TRAF2: variants seen among roughly 807,000 people sequenced by gnomAD.
TRAF2 encodes TNF receptor-associated factor 2.
A neutral mutation model predicts 55.6 loss-of-function variants in TRAF2; 6 were observed. The observed-to-expected ratio is 0.11, with a 90% CI of 0.06 to 0.21. The LOEUF (loss-of-function observed/expected upper bound fraction) is 0.21, where lower values mean the gene tolerates loss of function less well. Ranked by LOEUF, TRAF2 falls within the 10% of genes least tolerant of loss-of-function variation. TRAF2 has a pLI of 1.00. For synonymous variants in TRAF2, 329 were observed against 276.3 expected (o/e 1.19, Z -1.89); for missense variants, 561 against 684.5 (o/e 0.82, Z 2.01).
At chr9:136,909,330 C>T (rs990909759) in intron 5 of TRAF2, among the ~76,000 whole-genome samples, 2 of 147,372 alleles carry the variant, frequency 1.4e-5, no homozygotes, top group Non-Finnish European at 3.0e-5. Context: ...GTATCTGAAT[C>T]ACGATCCATA....
upstream of TRAF2, among the ~76,000 whole-genome samples, chr9:136,885,690 C>T (rs1849431340): frequency 6.6e-6 from 1 of 152,114 alleles, no homozygotes. Flanking sequence ...ATCGCTTGAA[C>T]CCGGGAGGCG....
intron 7 of TRAF2, among the ~76,000 whole-genome samples, chr9:136,918,255 A>ATATATG (rs1402432355): frequency 4.3e-5 from 1 of 23,346 alleles, no homozygotes; most frequent in Admixed American, 3.0e-4. Flanking sequence ...ATATATATAT[A>ATATATG]TATTTATTTA....
upstream of TRAF2, among the ~76,000 whole-genome samples, chr9:136,885,002 C>G (rs182021371): frequency 6.6e-6 from 1 of 152,200 alleles, no homozygotes; most frequent in African/African-American, 2.4e-5. Flanking sequence ...CAGGTGCGGA[C>G]TTGGGACGTT....
chr9:136,920,252 C>A lies in TRAF2; in HGVS notation c.697C>A (p.Gln233Lys), dbSNP rs765507735. The A allele has an allele frequency of 6.2e-7, 1 of 1,611,270 alleles. No homozygotes were observed. The highest frequency in any genetic ancestry group is 8.5e-7 in the Non-Finnish European group (1 of 1,178,772). Residue 233 changes from glutamine to lysine, a missense_variant, in exon 8 of 11, where the codon CAG (glutamine) becomes AAG (lysine). Physicochemically the swap from Gln to Lys is moderately conservative, Grantham distance 53. This residue lies in a region of TRAF2 where 426 missense variants were observed against 476.8 expected (regional missense o/e 0.89). Transcript: ENST00000247668. ...CLETVEGEKQQEHEVQWLREH... is the reference protein window; with the variant it reads ...CLETVEGEKQKEHEVQWLREH... ...TCCGCAGGTAGAGGGTGAGAAACAG[C>A]AGGAGCACGAGGTGCAGTGGCTGCG...
chr9:136,888,777 C>T (rs1042469230), intron 1 of TRAF2, among the ~76,000 whole-genome samples: 7 of 152,192 alleles, frequency 4.6e-5, no homozygotes, highest in South Asian at 2.1e-4. Flanking sequence ...CCTGATGACT[C>T]CAGCTTAGTG....
rs114346576 is a variant in TRAF2 at position 136,888,447 on chromosome 9, C to T, written c.-29+1906C>T. On this transcript the variant is annotated intron_variant, in intron 1 of 10. Transcript: ENST00000247668. ...CTCCATCTCAAAAAGAATCGGGTGC[C>T]ACCCAGTGAACTCTTACGTGGAGTC... Among the ~76,000 whole-genome samples the T allele has an allele frequency of 7.8e-3, 1,186 of 152,206 alleles. 22 individuals are homozygous for T. The highest frequency in any genetic ancestry group is 0.027 in the African/African-American group (1,130 of 41,540).
At chr9:136,924,796 G>A (rs927820438) in intron 10 of TRAF2, among the ~76,000 whole-genome samples, 1 of 152,042 alleles carries the variant, frequency 6.6e-6, no homozygotes, top group African/African-American at 2.4e-5. Flanking sequence ...CTGGAGTGCA[G>A]TGGCATGATC....
chr9:136,906,010 C>T (rs1332706496), intron 4 of TRAF2, among the ~76,000 whole-genome samples: 1 of 152,112 alleles, frequency 6.6e-6, no homozygotes, highest in African/African-American at 2.4e-5. Context: ...GAGGCTGAGG[C>T]AGAAGAATGG....
intron 1 of TRAF2, among the ~76,000 whole-genome samples, chr9:136,895,025 C>T (rs934066554): frequency 6.6e-6 from 1 of 152,144 alleles, no homozygotes; most frequent in African/African-American, 2.4e-5. Context: ...TTGGCTGAGT[C>T]CCTGGTGAAT....
chr9:136,924,085 G>C (rs1403598851), intron 10 of TRAF2, 85 bp downstream of exon 10: 2 of 1,524,208 alleles, frequency 1.3e-6, no homozygotes, highest in Non-Finnish European at 1.8e-6. Flanking sequence ...GGGTTGTGCG[G>C]GACAAGGTGG....
intron 7 of TRAF2, among the ~76,000 whole-genome samples, chr9:136,917,212 A>G (rs956802548): frequency 6.6e-6 from 1 of 152,184 alleles, no homozygotes; most frequent in Admixed American, 6.5e-5. Flanking sequence ...CTGTTCACAG[A>G]TGGAAATCGA....
intron 6 of TRAF2, among the ~76,000 whole-genome samples, chr9:136,915,112 G>C (rs1261008472): frequency 6.6e-6 from 1 of 152,166 alleles, no homozygotes; most frequent in East Asian, 1.9e-4. Flanking sequence ...CTGGGAGGCA[G>C]AGGTTGCGGT....
At chr9:136,894,047 C>CTTT (rs11415604) in intron 1 of TRAF2, among the ~76,000 whole-genome samples, 18 of 116,810 alleles carry the variant, frequency 1.5e-4, no homozygotes, top group African/African-American at 4.1e-4. Flanking sequence ...TGCGCCTGGC[C>CTTT]TTTTTTTTTT....
At position 136,898,846 on chromosome 9, in the gene TRAF2, G is replaced by T; in HGVS notation, c.106G>T (p.Ala36Ser). 6.2e-7 allele frequency: 1 copy of T among 1,613,634 alleles called. No homozygotes were observed. The highest frequency in any genetic ancestry group is 8.5e-7 in the Non-Finnish European group (1 of 1,180,008). Residue 36 changes from alanine to serine, a missense_variant, in exon 2 of 11, where the codon GCC (alanine) becomes TCC (serine). Ala to Ser is a moderately conservative substitution (Grantham distance 99, BLOSUM62 1). Transcript: ENST00000247668. ...TKLEAKYLCS[A>S]CRNVLRRPFQ... The stretch of plus-strand genomic sequence containing the variant: ...GCTGGAAGCCAAGTACCTGTGCTCC[G>T]CCTGCAGAAACGTCCTCCGCAGGCC...
chr9:136,896,172 C>T (rs1849675518), intron 1 of TRAF2, among the ~76,000 whole-genome samples: 2 of 152,212 alleles, frequency 1.3e-5, no homozygotes, highest in African/African-American at 4.8e-5. Context: ...AGAGAGATGA[C>T]CCCAATTCCT....
At position 136,910,030 on chromosome 9, in the gene TRAF2, C is replaced by T. The variant is rs200489151; in HGVS notation, c.603+36C>T. 228 of 1,528,188 alleles carry T rather than the reference C, an allele frequency of 1.5e-4. 1 individual carries two copies. The East Asian group carries it at 1.9e-3, about 13-fold the overall frequency. The allele number at this position is 1,528,188 out of a possible 1,614,324, so 94.7% of individuals were successfully genotyped here. A position where few individuals can be genotyped will look rare whatever the true frequency, so the allele number is the denominator to read the frequency against. ...TTCACCTCCTTGGAGGACCGCAGGG[C>T]GGGGCCCATGTGTTGGACGTGAGGG... On this transcript the variant is annotated intron_variant, in intron 6 of 10. Transcript: ENST00000247668.
chr9:136,922,832 G>T (rs1264470655), intron 9 of TRAF2, among the ~76,000 whole-genome samples: 1 of 144,042 alleles, frequency 6.9e-6, no homozygotes, highest in Non-Finnish European at 1.5e-5. Context: ...TGGGTCTGGG[G>T]GCACGTGGTG....
chr9:136,923,234 C>T, intron 9 of TRAF2, among the ~76,000 whole-genome samples: 1 of 152,178 alleles, frequency 6.6e-6, no homozygotes, highest in East Asian at 1.9e-4. Flanking sequence ...CTGCCGAGGT[C>T]CCAACCACTG....
intron 3 of TRAF2, among the ~76,000 whole-genome samples, chr9:136,900,108 A>G (rs1004183336): frequency 4.0e-5 from 6 of 151,412 alleles, no homozygotes; most frequent in Non-Finnish European, 5.9e-5. Context: ...CGGAGGTTGC[A>G]GTGAGCCAAG....
Sources: gnomAD v4.1 joint callset for allele counts (sites outside exome capture counted in the v4.1 genomes callset) on GRCh38, gnomAD v4.1.1 for gene constraint, gnomAD v4.1.1 regional missense constraint, MANE v1.5 for transcripts, NCBI Gene and HGNC (gene_info 2026-07-23, HGNC 2026-07-21) for gene names.